KLHL4: variants seen among roughly 807,000 people sequenced by gnomAD.
KLHL4 encodes the protein kelch like family member 4.
Under a neutral mutation model 45.8 loss-of-function variants are expected in KLHL4, and 17 were observed. The ratio of observed to expected loss-of-function variants is 0.37; its 90% confidence interval spans 0.25 to 0.56. The LOEUF is 0.56. Ranked by LOEUF, KLHL4 falls within the 20% of genes least tolerant of loss-of-function variation. KLHL4 has a pLI of 0.79. For missense variants in KLHL4, 544 were observed against 544.9 expected (o/e 1.00, Z 0.02); for synonymous variants, 224 against 189.9 (o/e 1.18, Z -1.47).
intron 1 of KLHL4, among the ~76,000 whole-genome samples, chrX:87,533,032 A>C (rs1328743304): frequency 9.4e-5 from 10 of 106,065 alleles, no homozygotes; most frequent in Non-Finnish European, 1.9e-4. Flanking sequence ...TAGAATGGCA[A>C]TCATTAAAAA....
At chrX:87,550,542 G>T (rs183898836) in intron 1 of KLHL4, among the ~76,000 whole-genome samples, 75 of 110,780 alleles carry the variant, frequency 6.8e-4, no homozygotes, top group African/African-American at 2.4e-3. Flanking sequence ...AAGCAGGAAA[G>T]GACTTAACCA....
At chrX:87,646,088 C>T (rs1443198099) in intron 9 of KLHL4, among the ~76,000 whole-genome samples, 1 of 111,350 alleles carries the variant, frequency 9.0e-6, no homozygotes, top group Non-Finnish European at 1.9e-5. Context: ...CTCTGCTATA[C>T]AAAAACAGTG....
At chrX:87,594,026 C>A (rs186147207) in intron 1 of KLHL4, among the ~76,000 whole-genome samples, 1 of 111,486 alleles carries the variant, frequency 9.0e-6, no homozygotes, top group African/African-American at 3.2e-5. Flanking sequence ...AAGTGAATTG[C>A]TTTTTAATTC....
chrX:87,626,160 C>G (rs1443056053), intron 6 of KLHL4, among the ~76,000 whole-genome samples: 1 of 111,177 alleles, frequency 9.0e-6, no homozygotes, highest in Non-Finnish European at 1.9e-5. Flanking sequence ...AAGAATGCGC[C>G]CATTCTTAAC....
chrX:87,598,266 T>C (rs953788306), intron 1 of KLHL4, among the ~76,000 whole-genome samples: 1 of 111,163 alleles, frequency 9.0e-6, no homozygotes, highest in African/African-American at 3.3e-5. Flanking sequence ...CTTCTCTGTA[T>C]GTGGTATTTC....
chrX:87,596,773 A>G (rs1410833957), intron 1 of KLHL4, among the ~76,000 whole-genome samples: 1 of 112,155 alleles, frequency 8.9e-6, no homozygotes, highest in African/African-American at 3.2e-5. Context: ...CTTCTAGTAT[A>G]TATGTAAGAA....
chrX:87,659,113 C>CTTTTTTTTTTTTTTTTTTT (rs1178733729), intron 9 of KLHL4, among the ~76,000 whole-genome samples: 1 of 45,101 alleles, frequency 2.2e-5, no homozygotes, highest in Non-Finnish European at 3.6e-5. Context: ...TCTTTTCTTT[C>CTTTTTTTTTTTTTTTTTTT]TTTTTTTTTT....
chrX:87,629,238 G>A (rs1923026079), intron 6 of KLHL4, among the ~76,000 whole-genome samples: 1 of 111,262 alleles, frequency 9.0e-6, no homozygotes, highest in Non-Finnish European at 1.9e-5. Flanking sequence ...ACGTTCTGGG[G>A]CAGAGAGTTA....
At chrX:87,603,527 T>TC (rs1922084646) in intron 1 of KLHL4, among the ~76,000 whole-genome samples, 1 of 111,121 alleles carries the variant, frequency 9.0e-6, no homozygotes, top group Admixed American at 9.6e-5. Flanking sequence ...TAATAGTTTT[T>TC]CATCATCAAA....
chrX:87,646,587 G>C (rs1923643217), intron 9 of KLHL4, among the ~76,000 whole-genome samples: 2 of 111,041 alleles, frequency 1.8e-5, no homozygotes, highest in Non-Finnish European at 3.8e-5. Context: ...CAGAAATAAA[G>C]GCAAATACTT....
chrX:87,641,130 G>A (rs1479668304), intron 9 of KLHL4, among the ~76,000 whole-genome samples: 2 of 111,760 alleles, frequency 1.8e-5, no homozygotes, highest in Non-Finnish European at 3.8e-5. Context: ...TGGACTGCAA[G>A]AACAAACCAG....
chrX:87,666,213 A>T (rs1184049724), intron 10 of KLHL4, among the ~76,000 whole-genome samples: 1 of 110,825 alleles, frequency 9.0e-6, no homozygotes, highest in East Asian at 2.8e-4. Flanking sequence ...ATTTGGTGTA[A>T]TTTTTCAAGT....
intron 9 of KLHL4, among the ~76,000 whole-genome samples, chrX:87,659,113 C>CTTTTTTTTTTTTTTTTTTTTTT (rs1178733729): frequency 6.7e-5 from 3 of 45,100 alleles, no homozygotes; most frequent in African/African-American, 1.0e-4. Context: ...TCTTTTCTTT[C>CTTTTTTTTTTTTTTTTTTTTTT]TTTTTTTTTT....
In KLHL4 at chrX:87,669,439, C is replaced by T. The variant is rs1924490372; in HGVS notation, c.*2905C>T. On this transcript the variant is annotated 3_prime_UTR_variant, in exon 11 of 11. Coordinates refer to ENST00000373119, the MANE Select transcript of KLHL4 (RefSeq NM_019117.5). ...ACAGCAATGACATTTATCAATCTGA[C>T]TCAGGTGTGGCTGTTGCCCCTTTTT... 4.2e-6 allele frequency: 5 copies of T among 1,199,626 alleles called. No homozygotes were observed. Among genetic ancestry groups the T allele is most frequent in the Non-Finnish European group, 5.6e-6 (5 of 889,181 alleles).
intron 1 of KLHL4, among the ~76,000 whole-genome samples, chrX:87,521,558 G>T (rs865823836): frequency 1.3e-4 from 15 of 111,380 alleles, no homozygotes; most frequent in Non-Finnish European, 2.6e-4. Context: ...TAATTTGAAA[G>T]AATAGAGTGA....
At position 87,669,270 on chromosome X, in the gene KLHL4, C is replaced by G. The variant is rs1026312768; in HGVS notation, c.*2736C>G. ...GTTCACGATTCCCTACTCTGCAACT[C>G]TCAGCATGCATCATGATGATTCTCT... On this transcript the variant is annotated 3_prime_UTR_variant, in exon 11 of 11. Coordinates refer to ENST00000373119, the MANE Select transcript of KLHL4 (RefSeq NM_019117.5). The G allele has an allele frequency of 2.2e-5, 26 of 1,193,689 alleles. No individual in the cohort carries two copies. In the Admixed American group the frequency reaches 6.0e-4, roughly 27 times the overall value.
At chrX:87,649,519 T>C (rs902511697) in intron 9 of KLHL4, among the ~76,000 whole-genome samples, 5 of 111,976 alleles carry the variant, frequency 4.5e-5, no homozygotes, top group Non-Finnish European at 1.9e-5. Context: ...ATATTTTTAA[T>C]TTTGATGAAG....
intron 1 of KLHL4, among the ~76,000 whole-genome samples, chrX:87,568,399 T>C (rs780088451): frequency 2.0e-5 from 2 of 100,975 alleles, no homozygotes; most frequent in East Asian, 3.1e-4. Context: ...TTCTTTTTTT[T>C]TTTTTTTTTT....
chrX:87,576,700 C>T (rs1362968574), intron 1 of KLHL4, among the ~76,000 whole-genome samples: 2 of 111,418 alleles, frequency 1.8e-5, no homozygotes, highest in Non-Finnish European at 3.8e-5. Context: ...GAAATCTTTA[C>T]ACTTGTGACG....
Sources: allele counts gnomAD v4.1 joint callset (sites outside exome capture counted in the v4.1 genomes callset), GRCh38; gene constraint gnomAD v4.1.1; transcripts MANE v1.5; gene names NCBI Gene and HGNC (gene_info 2026-07-23, HGNC 2026-07-21).